SYN2: variants seen among roughly 807,000 people sequenced by gnomAD.
SYN2 encodes synapsin-2.
In SYN2, 19 loss-of-function variants were observed where a neutral mutation model predicts 50.9. That is an observed-to-expected ratio of 0.37 (90% CI 0.26 to 0.55). The LOEUF is 0.55. SYN2 is among the 20% of genes least tolerant of loss of function. The pLI is 0.81. For missense variants in SYN2, 587 were observed against 576.4 expected, an observed-to-expected ratio of 1.02 and a Z score of -0.19; for synonymous variants, 255 against 224.9, an observed-to-expected ratio of 1.13 and a Z score of -1.20.
At chr3:12,021,911 G>A (rs1366039130) in intron 1 of SYN2, among the ~76,000 whole-genome samples, 2 of 151,884 alleles carry the variant, frequency 1.3e-5, no homozygotes, top group Non-Finnish European at 2.9e-5. Context: ...TTAAAAATAT[G>A]AAAAACAAAT....
At chr3:12,156,974 G>T in intron 5 of SYN2, 1 of 1,435,150 alleles carries the variant, frequency 7.0e-7, no homozygotes, top group Non-Finnish European at 9.8e-7. Flanking sequence ...TTGGGTCAGT[G>T]AGTGTACTGT....
At chr3:12,038,484 G>A (rs1346546878) in intron 1 of SYN2, among the ~76,000 whole-genome samples, 2 of 151,850 alleles carry the variant, frequency 1.3e-5, no homozygotes, top group African/African-American at 2.4e-5. Context: ...ATTTTGATAG[G>A]GATTTAATTG....
At chr3:12,070,360 G>A in intron 1 of SYN2, 1 of 515,160 alleles carries the variant, frequency 1.9e-6, no homozygotes, top group Non-Finnish European at 3.9e-6. Context: ...CACGATGGTG[G>A]GCATGGGTCA....
intron 5 of SYN2, among the ~76,000 whole-genome samples, chr3:12,158,301 T>G (rs1164477186): frequency 1.3e-5 from 2 of 152,162 alleles, no homozygotes; most frequent in Admixed American, 1.3e-4. Context: ...CCATAGGGGC[T>G]TGGTGGCAAC....
chr3:12,011,211 A>G (rs1350952930), intron 1 of SYN2, among the ~76,000 whole-genome samples: 1 of 152,236 alleles, frequency 6.6e-6, no homozygotes, highest in Non-Finnish European at 1.5e-5. Context: ...CACTATTTAA[A>G]TGAATTGTGG....
intron 1 of SYN2, among the ~76,000 whole-genome samples, chr3:12,103,594 G>A (rs989601343): frequency 1.9e-4 from 29 of 152,064 alleles, no homozygotes; most frequent in African/African-American, 6.8e-4. Flanking sequence ...ACATTTCCCA[G>A]GTGATTCATA....
chr3:12,101,399 T>C (rs569129320), intron 1 of SYN2, among the ~76,000 whole-genome samples: 1 of 152,258 alleles, frequency 6.6e-6, no homozygotes, highest in Non-Finnish European at 1.5e-5. Flanking sequence ...AGACCACACA[T>C]TGAATGATTT....
intron 10 of SYN2, among the ~76,000 whole-genome samples, chr3:12,182,734 A>G (rs1045432080): frequency 6.6e-6 from 1 of 152,260 alleles, no homozygotes; most frequent in African/African-American, 2.4e-5. Flanking sequence ...AGTCAGGCCT[A>G]GAACTGATCC....
At chr3:12,059,723 A>G (rs1695073560) in intron 1 of SYN2, among the ~76,000 whole-genome samples, 1 of 152,022 alleles carries the variant, frequency 6.6e-6, no homozygotes, top group Non-Finnish European at 1.5e-5. Flanking sequence ...TTGCTTATTT[A>G]CTTCTCAGGG....
intron 1 of SYN2, among the ~76,000 whole-genome samples, chr3:12,005,708 G>A (rs912951423): frequency 6.6e-6 from 1 of 151,856 alleles, no homozygotes; most frequent in Admixed American, 6.6e-5. Context: ...CATTAAAGGG[G>A]TACAAATAAA....
chr3:12,153,657 C>T, intron 5 of SYN2: 1 of 1,614,190 alleles, frequency 6.2e-7, no homozygotes, highest in Non-Finnish European at 8.5e-7. Context: ...CCAGTCTGTC[C>T]AGAGGCACTC....
At chr3:12,023,835 AGG>A (rs1694198503) in intron 1 of SYN2, among the ~76,000 whole-genome samples, 1 of 152,074 alleles carries the variant, frequency 6.6e-6, no homozygotes, top group South Asian at 2.1e-4. Context: ...TCCGTCTGTG[AGG>A]TACTGGATGT....
chr3:12,064,863 C>T lies in SYN2; in HGVS notation c.377+59935C>T, dbSNP rs1404174200. ...GAGTTACCATATGAGCCAGCAATTTCACTCATAGGTATACCTGAGAGGATT... is the reference window on the plus strand; with the variant it reads ...GAGTTACCATATGAGCCAGCAATTTTACTCATAGGTATACCTGAGAGGATT... On this transcript the variant is annotated intron_variant, in intron 1 of 12. Transcript: ENST00000621198. Among the ~76,000 whole-genome samples, 2 of 152,096 alleles carry T rather than the reference C, an allele frequency of 1.3e-5. 1 individual carries two copies. The highest frequency in any genetic ancestry group is 3.8e-4 in the East Asian group (2 of 5,198).
intron 11 of SYN2, chr3:12,184,140 A>C (rs1269584766): frequency 1.0e-6 from 1 of 985,772 alleles, no homozygotes; most frequent in Non-Finnish European, 1.2e-6. Flanking sequence ...AGAACAAGCT[A>C]TTTCCAGGAA....
intron 10 of SYN2, among the ~76,000 whole-genome samples, chr3:12,179,897 C>T (rs1698184634): frequency 6.6e-6 from 1 of 152,150 alleles, no homozygotes; most frequent in Non-Finnish European, 1.5e-5. Flanking sequence ...AGACTGACAC[C>T]CTTTGAGCCT....
chr3:12,121,929 G>A (rs1251546950), intron 1 of SYN2, among the ~76,000 whole-genome samples: 1 of 152,106 alleles, frequency 6.6e-6, no homozygotes, highest in African/African-American at 2.4e-5. Context: ...CTGGGTTTCT[G>A]TATTACAGTC....
At chr3:12,166,030 G>T (rs2125240291) in intron 7 of SYN2, among the ~76,000 whole-genome samples, 1 of 152,302 alleles carries the variant, frequency 6.6e-6, no homozygotes, top group East Asian at 1.9e-4. Flanking sequence ...CACAACAGGG[G>T]GTTTGAAATG....
At chr3:12,035,739 T>A (rs938743457) in intron 1 of SYN2, among the ~76,000 whole-genome samples, 4 of 152,186 alleles carry the variant, frequency 2.6e-5, no homozygotes, top group Admixed American at 1.3e-4. Context: ...TTGGGGTCAG[T>A]AGAAAGGAGT....
At chr3:12,128,667 C>T (rs189950878) in intron 1 of SYN2, among the ~76,000 whole-genome samples, 77 of 152,280 alleles carry the variant, frequency 5.1e-4, no homozygotes, top group African/African-American at 1.7e-3. Context: ...ATGGTCCCAT[C>T]ATACGTTGGA....
Sources: allele counts gnomAD v4.1 joint callset (sites outside exome capture counted in the v4.1 genomes callset), GRCh38; gene constraint gnomAD v4.1.1; transcripts MANE v1.5; gene names NCBI Gene and HGNC (gene_info 2026-07-23, HGNC 2026-07-21).